KDM4C: variants seen among roughly 807,000 people sequenced by gnomAD.
KDM4C encodes lysine-specific demethylase 4C.
A neutral mutation model predicts 129.3 loss-of-function variants in KDM4C; 81 were observed. The observed-to-expected ratio is 0.63, with a 90% CI of 0.52 to 0.75. The LOEUF (loss-of-function observed/expected upper bound fraction) is 0.75. Ranked by LOEUF, KDM4C falls within the 30% of genes least tolerant of loss-of-function variation. The pLI, the probability that KDM4C is intolerant of heterozygous loss-of-function variation, is 0.00. For synonymous variants in KDM4C, 573 were observed against 456.1 expected (o/e 1.26, Z -3.26); for missense variants, 1,457 against 1,304.0 (o/e 1.12, Z -1.81).
chr9:6,766,438 A>G (rs1416082999), intron 1 of KDM4C, among the ~76,000 whole-genome samples: 1 of 151,998 alleles, frequency 6.6e-6, no homozygotes, highest in Non-Finnish European at 1.5e-5. Flanking sequence ...TAGAAATGTC[A>G]GACTTAGGAC....
chr9:7,167,874 C>T (rs913583), intron 20 of KDM4C, among the ~76,000 whole-genome samples: 4,903 of 152,292 alleles, frequency 0.032, 130 homozygotes, highest in East Asian at 0.14. Flanking sequence ...ATCAGTTGGA[C>T]ATTCTGTGAA....
chr9:6,867,886 C>T (rs1336326730), intron 5 of KDM4C, among the ~76,000 whole-genome samples: 1 of 152,154 alleles, frequency 6.6e-6, no homozygotes, highest in African/African-American at 2.4e-5. Context: ...GGCAAAATTT[C>T]AGTGGAATTA....
intron 15 of KDM4C, among the ~76,000 whole-genome samples, chr9:7,021,859 A>G (rs576424345): frequency 2.0e-5 from 3 of 152,320 alleles, no homozygotes; most frequent in South Asian, 4.1e-4. Context: ...GTCAAGTTTC[A>G]TTCATTTCCA....
chr9:6,937,111 C>G (rs1028545934), intron 8 of KDM4C, among the ~76,000 whole-genome samples: 3 of 152,118 alleles, frequency 2.0e-5, no homozygotes, highest in African/African-American at 7.2e-5. Flanking sequence ...ATCAGAAAGA[C>G]TAAAACAATT....
At chr9:6,917,015 G>A (rs894759999) in intron 8 of KDM4C, among the ~76,000 whole-genome samples, 1 of 152,132 alleles carries the variant, frequency 6.6e-6, no homozygotes, top group Non-Finnish European at 1.5e-5. Flanking sequence ...CACGAAGATT[G>A]TTGAGGTCAT....
chr9:7,102,213 C>A (rs1837170663), intron 17 of KDM4C, among the ~76,000 whole-genome samples: 1 of 151,502 alleles, frequency 6.6e-6, no homozygotes, highest in African/African-American at 2.4e-5. Context: ...CACATAAGTA[C>A]CTAATGTATA....
chr9:6,935,574 C>T (rs532571809), intron 8 of KDM4C, among the ~76,000 whole-genome samples: 6 of 146,640 alleles, frequency 4.1e-5, no homozygotes, highest in South Asian at 2.3e-4. Flanking sequence ...CGCGCCACCA[C>T]GCCCGGCTAA....
intron 8 of KDM4C, among the ~76,000 whole-genome samples, chr9:6,958,014 C>T (rs922169398): frequency 4.0e-5 from 6 of 151,422 alleles, no homozygotes; most frequent in South Asian, 2.1e-4. Context: ...ATTGCTTCTC[C>T]GAGGGAGAGA....
chr9:6,889,838 C>T (rs1410008917), intron 7 of KDM4C, among the ~76,000 whole-genome samples: 1 of 152,196 alleles, frequency 6.6e-6, no homozygotes, highest in Non-Finnish European at 1.5e-5. Context: ...GATTGGCTCC[C>T]TTTCCCCAGG....
rs1158199897 is a variant in KDM4C, at chr9:6,944,652, GTTTTTTTT to G, written c.922-36258_922-36251del. On this transcript the variant is annotated intron_variant, in intron 8 of 21. Transcript: ENST00000381309. Reference sequence around the variant, plus strand: ...CAACACACTTTTTGTCAAGGTAGAGGTTTTTTTTTTTTTTTTTTTTTTGCCTCTGTGCA... The same window carrying G: ...CAACACACTTTTTGTCAAGGTAGAGGTTTTTTTTTTTTTTGCCTCTGTGCA... Among the ~76,000 whole-genome samples, 42 of 80,996 alleles carry G rather than the reference GTTTTTTTT, an allele frequency of 5.2e-4. 2 individuals carry two copies. The highest frequency in any genetic ancestry group is 1.4e-3 in the East Asian group (3 of 2,214). 53.1% of individuals were successfully genotyped at this position (80,996 alleles called of 152,430 possible).
intron 5 of KDM4C, among the ~76,000 whole-genome samples, chr9:6,858,688 G>C (rs924300879): frequency 1.3e-5 from 2 of 151,784 alleles, no homozygotes; most frequent in Non-Finnish European, 2.9e-5. Context: ...CATGAGAATC[G>C]CTTCACCTGG....
chr9:6,950,515 A>G (rs1475479224), intron 8 of KDM4C, among the ~76,000 whole-genome samples: 1 of 152,202 alleles, frequency 6.6e-6, no homozygotes, highest in African/African-American at 2.4e-5. Context: ...ACAGTTGTTA[A>G]TATGGATCCC....
intron 17 of KDM4C, among the ~76,000 whole-genome samples, chr9:7,093,195 C>T (rs1428787166): frequency 6.6e-6 from 1 of 151,950 alleles, no homozygotes; most frequent in Non-Finnish European, 1.5e-5. Context: ...TGTGGCCACC[C>T]CTCTTTTGAG....
At chr9:6,943,032 A>AT (rs905423423) in intron 8 of KDM4C, among the ~76,000 whole-genome samples, 8 of 151,676 alleles carry the variant, frequency 5.3e-5, no homozygotes, top group Admixed American at 3.3e-4. Flanking sequence ...TGCCCGCATA[A>AT]TTTTTTTTAA....
intron 1 of KDM4C, among the ~76,000 whole-genome samples, chr9:6,781,023 A>AT (rs1197785508): frequency 6.6e-6 from 1 of 152,000 alleles, no homozygotes; most frequent in African/African-American, 2.4e-5. Context: ...GTTTATGCAT[A>AT]TAGCAGACAG....
At chr9:6,835,661 A>AT in intron 4 of KDM4C, 3 of 740,296 alleles carry the variant, frequency 4.1e-6, no homozygotes, top group South Asian at 3.0e-5. Flanking sequence ...GCATGGCTTT[A>AT]TTTTTTGTTT....
chr9:7,060,629 A>G (rs961038387), intron 17 of KDM4C, among the ~76,000 whole-genome samples: 18 of 151,768 alleles, frequency 1.2e-4, no homozygotes, highest in African/African-American at 2.9e-4. Flanking sequence ...CTACAGGTGC[A>G]TGCCACCATG....
At chr9:6,945,460 C>T (rs1014653706) in intron 8 of KDM4C, among the ~76,000 whole-genome samples, 3 of 151,874 alleles carry the variant, frequency 2.0e-5, no homozygotes, top group African/African-American at 7.3e-5. Context: ...ATTTATTTGC[C>T]TAAATGTTTG....
chr9:7,038,754 C>T (rs188077338), intron 15 of KDM4C, among the ~76,000 whole-genome samples: 79 of 151,992 alleles, frequency 5.2e-4, no homozygotes, highest in African/African-American at 1.5e-3. Flanking sequence ...AATTCTTCTC[C>T]GTAACCATCA....
Sources: allele counts gnomAD v4.1 joint callset (sites outside exome capture counted in the v4.1 genomes callset), GRCh38; gene constraint gnomAD v4.1.1; transcripts MANE v1.5; gene names NCBI Gene and HGNC (gene_info 2026-07-23, HGNC 2026-07-21).